COBL: variants seen among roughly 807,000 people sequenced by gnomAD.
The protein encoded by COBL is cordon-bleu WH2 repeat protein.
Under a neutral mutation model 98.8 loss-of-function variants are expected in COBL, and 51 were observed. The ratio of observed to expected loss-of-function variants is 0.52; its 90% CI spans 0.41 to 0.65. The LOEUF (loss-of-function observed/expected upper bound fraction) is 0.65. COBL is among the 30% of genes least tolerant of loss of function. The pLI is 0.00. For missense variants in COBL, 1,617 were observed against 1,617.5 expected (o/e 1.00, Z 0.01); for synonymous variants, 634 against 651.7 (o/e 0.97, Z 0.41).
intron 7 of COBL, among the ~76,000 whole-genome samples, chr7:51,074,191 A>ATT (rs369421469): frequency 0.35 from 35,198 of 100,406 alleles, 6,960 homozygotes; most frequent in East Asian, 0.41. Context: ...CAAGGTAATG[A>ATT]TTTTTTTTTT....
At chr7:51,272,559 A>C (rs944229272) in intron 1 of COBL, among the ~76,000 whole-genome samples, 3 of 152,216 alleles carry the variant, frequency 2.0e-5, no homozygotes, top group African/African-American at 7.2e-5. Context: ...TAAAAAGGAA[A>C]ATTCAGAATA....
At position 51,025,749 on chromosome 7, in the gene COBL, G is replaced by A. The variant is rs114225021; in HGVS notation, c.3505-377C>T. ...GGTATAGCAGCCCAAACAGACTAAG[G>A]CAGTGACACTGTCCCCAAAGGTTCT... On this transcript the variant is annotated intron_variant, in intron 11 of 12. Coordinates refer to ENST00000265136, the MANE Select transcript of COBL (RefSeq NM_015198.5). 5.6e-3 allele frequency among the ~76,000 whole-genome samples: 857 copies of A among 152,294 alleles called. 7 individuals are homozygous for A. The highest frequency in any genetic ancestry group is 0.02 in the African/African-American group (816 of 41,562).
intron 6 of COBL, among the ~76,000 whole-genome samples, chr7:51,106,630 G>A (rs1796295962): frequency 6.6e-6 from 1 of 152,112 alleles, no homozygotes; most frequent in African/African-American, 2.4e-5. Flanking sequence ...TTATTCTTGA[G>A]GCTCCTAAGC....
At chr7:51,210,441 C>A (rs1446606867) in intron 2 of COBL, among the ~76,000 whole-genome samples, 1 of 152,214 alleles carries the variant, frequency 6.6e-6, no homozygotes, top group African/African-American at 2.4e-5. Context: ...AGGGCTGGAA[C>A]CCGCACCCAG....
At chr7:51,079,774 C>G (rs1013304746) in intron 7 of COBL, among the ~76,000 whole-genome samples, 2 of 152,190 alleles carry the variant, frequency 1.3e-5, no homozygotes, top group African/African-American at 4.8e-5. Flanking sequence ...AGCCGGCTGC[C>G]GAGAGGTGGC....
intron 5 of COBL, among the ~76,000 whole-genome samples, chr7:51,178,168 C>G (rs1191794942): frequency 6.6e-6 from 1 of 151,800 alleles, no homozygotes; most frequent in Non-Finnish European, 1.5e-5. Flanking sequence ...CTCTCTCTCT[C>G]CCTCTCTCTC....
At chr7:51,101,480 G>A (rs936186455) in intron 6 of COBL, among the ~76,000 whole-genome samples, 1 of 152,208 alleles carries the variant, frequency 6.6e-6, no homozygotes, top group African/African-American at 2.4e-5. Flanking sequence ...GATCATACAA[G>A]TAATAAGTGA....
chr7:51,258,771 C>CT (rs1797424256), intron 1 of COBL, among the ~76,000 whole-genome samples: 1 of 152,190 alleles, frequency 6.6e-6, no homozygotes, highest in African/African-American at 2.4e-5. Flanking sequence ...TGATTCATAT[C>CT]TTTAAGTCCT....
intron 5 of COBL, among the ~76,000 whole-genome samples, chr7:51,176,571 A>G (rs1279548563): frequency 6.6e-6 from 1 of 152,204 alleles, no homozygotes; most frequent in African/African-American, 2.4e-5. Context: ...TTTTTGCCAA[A>G]GATAATGTAA....
chr7:51,054,532 G>A (rs1336246255), intron 7 of COBL, among the ~76,000 whole-genome samples: 4 of 152,154 alleles, frequency 2.6e-5, no homozygotes, highest in African/African-American at 9.7e-5. Context: ...GGCCTGGAGA[G>A]GAGTGACTTT....
At chr7:51,053,136 T>G (rs975155816) in intron 7 of COBL, among the ~76,000 whole-genome samples, 2 of 152,220 alleles carry the variant, frequency 1.3e-5, no homozygotes, top group Non-Finnish European at 2.9e-5. Flanking sequence ...AAAAATAGCA[T>G]TAATTAACAT....
chr7:51,241,990 G>A (rs749687872), intron 1 of COBL, among the ~76,000 whole-genome samples: 23 of 152,112 alleles, frequency 1.5e-4, no homozygotes, highest in Non-Finnish European at 2.4e-4. Flanking sequence ...AAGACCAGAG[G>A]CTACTCCCCT....
At chr7:51,057,829 G>A (rs1359777823) in intron 7 of COBL, among the ~76,000 whole-genome samples, 1 of 152,164 alleles carries the variant, frequency 6.6e-6, no homozygotes, top group African/African-American at 2.4e-5. Flanking sequence ...GGGACTGGAA[G>A]TTGGATGCTG....
At position 51,028,751 on chromosome 7, in the gene COBL, C is replaced by T. The variant is rs994914337; in HGVS notation, c.2345G>A (p.Arg782Gln). 3.3e-5 allele frequency: 53 copies of T among 1,614,162 alleles called. No individual in the cohort carries two copies. The highest frequency in any genetic ancestry group is 8.3e-5 in the Admixed American group (5 of 60,028). The change falls in exon 10 of 13, where the codon CGA becomes CAA. Residue 782 changes from arginine (R) to glutamine (Q), a missense_variant. Arg to Gln is a conservative substitution (Grantham distance 43). This residue lies in a region of COBL where 1,304 missense variants were observed against 1,282.0 expected (regional missense o/e 1.02). Coordinates refer to ENST00000265136, the MANE Select transcript of COBL (RefSeq NM_015198.5). ...RCNSVEKHLG[R>Q]PSESSARGPP... ...TCCCCTGGCAGAGCTCTCTGAGGGT[C>T]GGCCCAGGTGTTTTTCCACAGAGTT... is the stretch of plus-strand genomic sequence containing the variant.
At chr7:51,260,388 A>C (rs996009517) in intron 1 of COBL, among the ~76,000 whole-genome samples, 3 of 152,238 alleles carry the variant, frequency 2.0e-5, no homozygotes, top group African/African-American at 7.2e-5. Context: ...TTCACTCAAA[A>C]GACATTTACT....
At chr7:51,056,952 AAC>A (rs1437122467) in intron 7 of COBL, among the ~76,000 whole-genome samples, 1 of 152,150 alleles carries the variant, frequency 6.6e-6, no homozygotes, top group Non-Finnish European at 1.5e-5. Flanking sequence ...TGCAGAAATA[AAC>A]ACTTGGTCAG....
intron 1 of COBL, among the ~76,000 whole-genome samples, chr7:51,261,265 T>C (rs182104882): frequency 6.6e-6 from 1 of 152,268 alleles, no homozygotes; most frequent in African/African-American, 2.4e-5. Context: ...ATAAAAAAAC[T>C]GCAGCCCTTG....
At chr7:51,209,140 G>A (rs1409375695) in intron 2 of COBL, among the ~76,000 whole-genome samples, 1 of 150,360 alleles carries the variant, frequency 6.7e-6, no homozygotes, top group African/African-American at 2.5e-5. Context: ...CCCTGAGCAT[G>A]AGCTGCAGGG....
chr7:51,230,134 C>T (rs980065859), intron 1 of COBL, among the ~76,000 whole-genome samples: 4 of 152,128 alleles, frequency 2.6e-5, no homozygotes, highest in African/African-American at 9.7e-5. Context: ...AGGAGTGTGC[C>T]CCCAGCTGCC....
Sources: gnomAD v4.1 joint callset for allele counts (sites outside exome capture counted in the v4.1 genomes callset) on GRCh38, gnomAD v4.1.1 for gene constraint, gnomAD v4.1.1 regional missense constraint, MANE v1.5 for transcripts, NCBI Gene and HGNC (gene_info 2026-07-23, HGNC 2026-07-21) for gene names.